Variants in NLGN1 observed in about 807,000 individuals in gnomAD.
The protein encoded by NLGN1 is neuroligin 1.
NLGN1 carries 12 observed loss-of-function variants against 65.5 expected under a neutral mutation model. That is an observed-to-expected ratio of 0.18 (90% CI 0.12 to 0.30). The LOEUF is 0.30. NLGN1 is among the 10% of genes least tolerant of loss of function. The pLI, the probability that NLGN1 is intolerant of heterozygous loss-of-function variation, is 1.00. For missense variants in NLGN1, 750 were observed against 1,007.1 expected, an observed-to-expected ratio of 0.74 and a Z score of 3.46; for synonymous variants, 350 against 359.5, an observed-to-expected ratio of 0.97 and a Z score of 0.30.
chr3:173,736,323 G>A (rs904110484), intron 3 of NLGN1, among the ~76,000 whole-genome samples: 6 of 151,810 alleles, frequency 4.0e-5, no homozygotes, highest in African/African-American at 1.2e-4. Flanking sequence ...AATTTTTCCC[G>A]TCCCCCACTC....
At chr3:173,792,801 A>G (rs76470183) in intron 3 of NLGN1, among the ~76,000 whole-genome samples, 6,226 of 152,284 alleles carry the variant, frequency 0.041, 174 homozygotes, top group Non-Finnish European at 0.065. Flanking sequence ...TCATGTTTAA[A>G]TTACATTAAT....
intron 3 of NLGN1, among the ~76,000 whole-genome samples, chr3:173,639,799 T>C (rs1286951568): frequency 6.6e-6 from 1 of 152,206 alleles, no homozygotes; most frequent in African/African-American, 2.4e-5. Flanking sequence ...GCACATTTTA[T>C]AATGTTCACT....
At chr3:173,652,139 T>C (rs997623276) in intron 3 of NLGN1, among the ~76,000 whole-genome samples, 2 of 152,104 alleles carry the variant, frequency 1.3e-5, no homozygotes, top group African/African-American at 4.8e-5. Context: ...TATTGTTGAG[T>C]TTGAGTTTCT....
rs533768809 is a variant in NLGN1, at chr3:174,266,400, A to G, written c.647-8915A>G. Among the ~76,000 whole-genome samples, 8 of 152,198 alleles carry G rather than the reference A, an allele frequency of 5.3e-5. No homozygotes were observed. The East Asian group carries it at 1.4e-3, about 26-fold the overall frequency. ...AAAAGTCATGATTTTGTTCTTTTTT[A>G]TGGCTGCATATATTTCCACAGTGCA... is the stretch of plus-strand genomic sequence containing the variant. On this transcript the variant is annotated intron_variant, in intron 4 of 6. Transcript: ENST00000457714.
At chr3:173,508,704 T>C (rs1237169818) in intron 2 of NLGN1, among the ~76,000 whole-genome samples, 1 of 152,124 alleles carries the variant, frequency 6.6e-6, no homozygotes, top group Non-Finnish European at 1.5e-5. Context: ...TTAGCAACCT[T>C]GAGTTTTTGT....
At chr3:174,058,883 G>A (rs1736766833) in intron 4 of NLGN1, among the ~76,000 whole-genome samples, 1 of 152,034 alleles carries the variant, frequency 6.6e-6, no homozygotes, top group South Asian at 2.1e-4. Context: ...AATTTCTGTT[G>A]CCAAAGGTTC....
intron 3 of NLGN1, 40 bp downstream of exon 3, chr3:173,605,633 T>C (rs1751286049): frequency 2.9e-6 from 3 of 1,025,042 alleles, no homozygotes; most frequent in Non-Finnish European, 4.0e-6. Context: ...GGGAAAAAGC[T>C]TGCAGAGGAA....
chr3:174,050,988 C>T (rs566702293), intron 4 of NLGN1, among the ~76,000 whole-genome samples: 1 of 151,978 alleles, frequency 6.6e-6, no homozygotes, highest in Non-Finnish European at 1.5e-5. Flanking sequence ...TGGAATTATA[C>T]AATCAGCAAA....
chr3:173,850,778 C>T (rs1222609478), intron 4 of NLGN1, among the ~76,000 whole-genome samples: 3 of 152,014 alleles, frequency 2.0e-5, no homozygotes, highest in Non-Finnish European at 2.9e-5. Context: ...ACTCTGTCAC[C>T]CAGGCTAGAG....
At chr3:173,513,004 A>G (rs1319702711) in intron 2 of NLGN1, among the ~76,000 whole-genome samples, 1 of 152,176 alleles carries the variant, frequency 6.6e-6, no homozygotes, top group Non-Finnish European at 1.5e-5. Context: ...TGGACTGTGA[A>G]CTTTCAAACA....
chr3:174,064,545 A>T (rs932803342), intron 4 of NLGN1, among the ~76,000 whole-genome samples: 1 of 150,850 alleles, frequency 6.6e-6, no homozygotes, highest in African/African-American at 2.4e-5. Flanking sequence ...ATTTAATTAC[A>T]ATGCTTATTA....
chr3:173,850,323 A>G (rs1321473646), intron 4 of NLGN1, among the ~76,000 whole-genome samples: 1 of 152,186 alleles, frequency 6.6e-6, no homozygotes, highest in African/African-American at 2.4e-5. Flanking sequence ...ATATGTATTG[A>G]TGCTGACATT....
At chr3:173,805,050 A>G (rs1716351873) in intron 3 of NLGN1, among the ~76,000 whole-genome samples, 1 of 152,124 alleles carries the variant, frequency 6.6e-6, no homozygotes, top group African/African-American at 2.4e-5. Flanking sequence ...AAATTAAAAT[A>G]AAGCCTAAGG....
intron 4 of NLGN1, among the ~76,000 whole-genome samples, chr3:174,011,958 T>C (rs180757109): frequency 4.6e-5 from 7 of 152,260 alleles, no homozygotes; most frequent in Non-Finnish European, 1.0e-4. Flanking sequence ...AACAACAAAA[T>C]GAAATGACAA....
At chr3:173,966,235 G>A (rs960155268) in intron 4 of NLGN1, among the ~76,000 whole-genome samples, 1 of 152,132 alleles carries the variant, frequency 6.6e-6, no homozygotes, top group Admixed American at 6.6e-5. Flanking sequence ...AAAGTCCACA[G>A]CTCTGCCTTT....
intron 4 of NLGN1, among the ~76,000 whole-genome samples, chr3:174,030,745 G>A (rs765246004): frequency 2.6e-5 from 4 of 152,042 alleles, no homozygotes; most frequent in South Asian, 2.1e-4. Context: ...GAAAGCAGAC[G>A]GACAAATCTA....
chr3:173,630,815 T>A (rs1201113041), intron 3 of NLGN1, among the ~76,000 whole-genome samples: 2 of 152,178 alleles, frequency 1.3e-5, no homozygotes, highest in Non-Finnish European at 2.9e-5. Context: ...ATAAACTTCT[T>A]GATTTGGTAC....
At chr3:173,927,221 G>A (rs1031410246) in intron 4 of NLGN1, among the ~76,000 whole-genome samples, 3 of 151,928 alleles carry the variant, frequency 2.0e-5, no homozygotes, top group Non-Finnish European at 4.4e-5. Context: ...ATGTCTCCAC[G>A]CCTGGCTAAT....
intron 2 of NLGN1, among the ~76,000 whole-genome samples, chr3:173,463,942 A>G (rs1489437438): frequency 2.0e-5 from 3 of 152,040 alleles, no homozygotes; most frequent in African/African-American, 4.8e-5. Context: ...ACATAAATAT[A>G]CATTTTTCAA....
Sources: allele counts gnomAD v4.1 joint callset (sites outside exome capture counted in the v4.1 genomes callset), GRCh38; gene constraint gnomAD v4.1.1; transcripts MANE v1.5; gene names NCBI Gene and HGNC (gene_info 2026-07-23, HGNC 2026-07-21).